PEX1: variants seen among roughly 807,000 people sequenced by gnomAD.
PEX1 encodes the protein peroxisomal ATPase PEX1.
Under a neutral mutation model 152.5 loss-of-function variants are expected in PEX1, and 97 were observed. The ratio of observed to expected loss-of-function variants is 0.64; its 90% CI spans 0.54 to 0.75. PEX1 has a LOEUF of 0.75. PEX1 is among the 30% of genes least tolerant of loss of function. The pLI, the probability that PEX1 is intolerant of heterozygous loss-of-function variation, is 0.00. For missense variants in PEX1, 1,357 were observed against 1,516.3 expected, an observed-to-expected ratio of 0.89 and a Z score of 1.74; for synonymous variants, 485 against 531.6, an observed-to-expected ratio of 0.91 and a Z score of 1.21.
chr7:92,506,268 ACTCT>A lies in PEX1; in HGVS notation c.1876_1879del (p.Arg626LeufsTer18). On this transcript the variant is annotated frameshift_variant, in exon 11 of 24. Coordinates refer to ENST00000248633, the MANE Select transcript of PEX1 (RefSeq NM_000466.3). LOFTEE classifies it high-confidence loss of function. ...CATACCTCGTAAAGCTTTACAGTCAACTCTCTCCACATGGGCATCCAGTTTGTCA... is the reference window on the plus strand; with the variant it reads ...CATACCTCGTAAAGCTTTACAGTCAACTCCACATGGGCATCCAGTTTGTCA... The A allele has an allele frequency of 6.2e-7, 1 of 1,603,050 alleles. No homozygotes were observed. The highest frequency in any genetic ancestry group is 1.3e-5 in the African/African-American group (1 of 74,744).
In PEX1 at chr7:92,517,824, T is replaced by C. The variant is rs755231688; in HGVS notation, c.691A>G (p.Asn231Asp). The change falls in exon 5 of 24, where the codon AAC becomes GAC. Residue 231 changes from asparagine to aspartate, a missense_variant. By Grantham distance (23) the Asn-to-Asp change is conservative (BLOSUM62 1). Transcript: ENST00000248633. The stretch of plus-strand genomic sequence containing the variant: ...GAGTCAACTGGAATCTCTGACTCGT[T>C]TTCATTAGATTCAGTGATTCCCACA... ...NTVGITESNE[N>D]ESEIPVDSSS... 1.3e-6 allele frequency: 2 copies of C among 1,547,042 alleles called. No homozygotes were observed. The highest frequency in any genetic ancestry group is 2.6e-5 in the South Asian group (2 of 77,252).
chr7:92,525,111 C>T (rs1054701206), intron 1 of PEX1, among the ~76,000 whole-genome samples: 25 of 152,228 alleles, frequency 1.6e-4, no homozygotes, highest in Admixed American at 1.5e-3. Flanking sequence ...ATTGAGCAAA[C>T]TCTGCAGACC....
chr7:92,491,097 C>G, intron 21 of PEX1, 175 bp downstream of exon 21: 1 of 581,260 alleles, frequency 1.7e-6, no homozygotes, highest in Non-Finnish European at 3.1e-6. Context: ...TCTTGAAAAT[C>G]TTAACAAGGA....
intron 12 of PEX1, 120 bp from the exon 13 acceptor site, chr7:92,503,315 A>G: frequency 1.2e-6 from 1 of 816,886 alleles, no homozygotes; most frequent in Non-Finnish European, 2.0e-6. Flanking sequence ...TATGTATGGT[A>G]TCGCTCTTTC....
intron 5 of PEX1, among the ~76,000 whole-genome samples, chr7:92,515,482 C>T (rs1288956889): frequency 6.6e-6 from 1 of 152,108 alleles, no homozygotes; most frequent in Admixed American, 6.6e-5. Context: ...GGCTCTTCAA[C>T]CTTCAGTGGA....
intron 19 of PEX1, 99 bp downstream of exon 19, chr7:92,494,194 G>C: frequency 1.2e-6 from 1 of 866,254 alleles, no homozygotes; most frequent in East Asian, 2.6e-5. Context: ...AAGAAAGCTG[G>C]TCTTCTAAGG....
intron 19 of PEX1, chr7:92,493,925 CCTG>C: frequency 3.7e-6 from 1 of 268,078 alleles, no homozygotes; most frequent in Non-Finnish European, 7.2e-6. Flanking sequence ...CTCTATGAAA[CCTG>C]CTTACATGCT....
chr7:92,520,726 G>C (rs1402470492), intron 2 of PEX1, among the ~76,000 whole-genome samples: 2 of 152,190 alleles, frequency 1.3e-5, no homozygotes, highest in Admixed American at 6.5e-5. Flanking sequence ...GGCTGCAACA[G>C]AGGATCATGA....
chr7:92,494,698 T>C (rs1791562267), intron 17 of PEX1, 69 bp from the exon 18 acceptor site: 1 of 1,185,588 alleles, frequency 8.4e-7, no homozygotes, highest in African/African-American at 1.5e-5. Context: ...TTCATATACA[T>C]ATATGAATGT....
At chr7:92,511,141 C>CTT (rs5885807) in intron 7 of PEX1, 94 bp from the exon 8 acceptor site, 29 of 604,444 alleles carry the variant, frequency 4.8e-5, no homozygotes, top group East Asian at 6.4e-5. Context: ...AAGTTAAAGA[C>CTT]TTTTTTTTTT....
At chr7:92,526,851 A>G (rs573718682) in intron 1 of PEX1, among the ~76,000 whole-genome samples, 2 of 152,360 alleles carry the variant, frequency 1.3e-5, no homozygotes, top group East Asian at 3.9e-4. Flanking sequence ...TGTCAACATT[A>G]GTCACCTCTA....
At chr7:92,498,090 A>AAAC (rs1791744759) in intron 16 of PEX1, among the ~76,000 whole-genome samples, 1 of 151,126 alleles carries the variant, frequency 6.6e-6, no homozygotes, top group African/African-American at 2.4e-5. Context: ...AAAAAAAAAA[A>AAAC]CTAAGGCAAA....
chr7:92,487,162 T>C lies in PEX1; in HGVS notation c.*295A>G, dbSNP rs1159943972. ...AATTTAATTACATTCTTTATTATCTTTTCCTCAAAAGAAATAAATTAGTTC... is the reference window on the plus strand; with the variant it reads ...AATTTAATTACATTCTTTATTATCTCTTCCTCAAAAGAAATAAATTAGTTC... On this transcript the variant is annotated 3_prime_UTR_variant, in exon 24 of 24. Transcript: ENST00000248633. 1 of 196,550 alleles carries C rather than the reference T, an allele frequency of 5.1e-6. No individual in the cohort carries two copies. Among genetic ancestry groups the C allele is most frequent in the Non-Finnish European group, 1.0e-5 (1 of 97,376 alleles). 12.2% of individuals were successfully genotyped at this position (196,550 alleles called of 1,614,324 possible). A position where few individuals can be genotyped will look rare whatever the true frequency, so the allele number is the denominator to read the frequency against.
At chr7:92,496,804 A>G (rs1351391123) in intron 16 of PEX1, 27 bp from the exon 17 acceptor site, 2 of 1,427,868 alleles carry the variant, frequency 1.4e-6, no homozygotes, top group East Asian at 4.6e-5. Context: ...GAGTTGAGAT[A>G]AAATTATTTA....
intron 16 of PEX1, among the ~76,000 whole-genome samples, chr7:92,499,177 A>C (rs1212314607): frequency 1.3e-5 from 2 of 152,222 alleles, no homozygotes; most frequent in Non-Finnish European, 2.9e-5. Context: ...GAAAAGTTAG[A>C]GAATTACCCT....
At chr7:92,501,401 TTG>T (rs1791917740) in intron 15 of PEX1, 104 bp downstream of exon 15, 2 of 843,868 alleles carry the variant, frequency 2.4e-6, no homozygotes, top group Admixed American at 3.7e-5. Context: ...CAGTAAACAC[TTG>T]TTGACTCACA....
chr7:92,504,700 C>G (rs753978329), intron 12 of PEX1, 32 bp downstream of exon 12: 1 of 1,607,010 alleles, frequency 6.2e-7, no homozygotes, highest in Non-Finnish European at 8.5e-7. Context: ...GACAAAAGAA[C>G]AAGACCTTAA....
intron 19 of PEX1, 41 bp from the exon 20 acceptor site, chr7:92,493,170 T>C: frequency 9.2e-7 from 1 of 1,082,360 alleles, no homozygotes; most frequent in Non-Finnish European, 1.4e-6. Flanking sequence ...AAAAATAAAA[T>C]TAAAAATATT....
rs1255622262 is a variant in PEX1, at chr7:92,517,330, G to A, written c.1185C>T (p.Asn395=). The change falls in exon 5 of 24, where the codon AAC becomes AAT. Residue 395 remains asparagine, a synonymous_variant. Coordinates refer to ENST00000248633, the MANE Select transcript of PEX1 (RefSeq NM_000466.3). ...QVVWNGLEEL[N]NAIKYTKNVE... is the part of the protein sequence containing the mutation. ...CATTTTTGGTATATTTGATGGCATT[G>A]TTCAATTCTTCAAGTCCATTCCAGA... 1 of 1,613,550 alleles carries A rather than the reference G, an allele frequency of 6.2e-7. No homozygotes were observed. Among genetic ancestry groups the A allele is most frequent in the South Asian group, 1.1e-5 (1 of 91,054 alleles).
Sources: gnomAD v4.1 joint callset for allele counts (sites outside exome capture counted in the v4.1 genomes callset) on GRCh38, gnomAD v4.1.1 for gene constraint, MANE v1.5 for transcripts, NCBI Gene and HGNC (gene_info 2026-07-23, HGNC 2026-07-21) for gene names.